Variants in CERS6 observed in about 807,000 individuals in gnomAD.
The protein encoded by CERS6 is ceramide synthase 6.
A neutral mutation model predicts 56.8 loss-of-function variants in CERS6; 26 were observed. That is an observed-to-expected ratio of 0.46 (90% confidence interval 0.34 to 0.63). CERS6 has a LOEUF of 0.63. Among genes scored for constraint, CERS6 ranks in the 30% least tolerant of loss-of-function variants. CERS6 has a pLI of 0.01. For synonymous variants in CERS6, 164 were observed against 173.3 expected (o/e 0.95, Z 0.42); for missense variants, 415 against 467.5 (o/e 0.89, Z 1.04).
chr2:168,749,078 A>G (rs1034048952), intron 8 of CERS6, among the ~76,000 whole-genome samples: 8 of 150,866 alleles, frequency 5.3e-5, no homozygotes, highest in Non-Finnish European at 7.4e-5. Context: ...TCTCTCTCCT[A>G]TATCTTCCAA....
intron 8 of CERS6, among the ~76,000 whole-genome samples, chr2:168,737,096 C>T (rs1683737171): frequency 6.6e-6 from 1 of 152,178 alleles, no homozygotes; most frequent in Non-Finnish European, 1.5e-5. Context: ...TCTACCTTGA[C>T]CTCTTCCTGA....
At chr2:168,760,979 G>T (rs968877893) in intron 8 of CERS6, among the ~76,000 whole-genome samples, 13 of 151,950 alleles carry the variant, frequency 8.6e-5, no homozygotes, top group African/African-American at 2.4e-4. Flanking sequence ...GGATGGTCTC[G>T]ATCTCCTGAC....
chr2:168,636,408 A>G (rs1684861282), intron 4 of CERS6, among the ~76,000 whole-genome samples: 1 of 152,182 alleles, frequency 6.6e-6, no homozygotes, highest in African/African-American at 2.4e-5. Flanking sequence ...GTATAGAATG[A>G]TAAGTTGGAA....
chr2:168,767,773 TAGAC>T (rs1221831843), intron 9 of CERS6, among the ~76,000 whole-genome samples: 1 of 152,154 alleles, frequency 6.6e-6, no homozygotes, highest in Non-Finnish European at 1.5e-5. Flanking sequence ...AGTGGTAACA[TAGAC>T]AGGATGTGAT....
intron 8 of CERS6, among the ~76,000 whole-genome samples, chr2:168,764,874 G>A (rs1035821489): frequency 6.6e-6 from 1 of 152,166 alleles, no homozygotes; most frequent in Non-Finnish European, 1.5e-5. Context: ...TTCCACTTCT[G>A]GGTATATGCC....
At chr2:168,743,234 A>G (rs6715521) in intron 8 of CERS6, among the ~76,000 whole-genome samples, 11,685 of 147,176 alleles carry the variant, frequency 0.079, 614 homozygotes, top group African/African-American at 0.15. Flanking sequence ...GTATATATAT[A>G]TGTGTGTGTG....
chr2:168,762,970 C>G (rs1334080600), intron 8 of CERS6, among the ~76,000 whole-genome samples: 1 of 152,098 alleles, frequency 6.6e-6, no homozygotes, highest in Non-Finnish European at 1.5e-5. Flanking sequence ...GCAACTCCTG[C>G]TCAAGTGATC....
At chr2:168,554,932 T>C (rs57601673) in intron 2 of CERS6, among the ~76,000 whole-genome samples, 103,724 of 151,966 alleles carry the variant, frequency 0.68, 36,848 homozygotes, top group African/African-American at 0.88. Context: ...AGTGTGTCTG[T>C]ATATTCATAA....
At position 168,615,869 on chromosome 2, in the gene CERS6, A is replaced by G. The variant is rs985563931; in HGVS notation, c.408-15116A>G. Among the ~76,000 whole-genome samples, 3 of 152,184 alleles carry G rather than the reference A, an allele frequency of 2.0e-5. 1 individual carries two copies. The highest frequency in any genetic ancestry group is 4.8e-5 in the African/African-American group (2 of 41,452). The stretch of plus-strand genomic sequence containing the variant: ...CATCCAAATACAAGACACACAAAGA[A>G]CATCTGGGAAATTCATCACAAAAAG... On this transcript the variant is annotated intron_variant, in intron 3 of 9. Transcript: ENST00000305747.
At chr2:168,739,200 C>T (rs1391590737) in intron 8 of CERS6, among the ~76,000 whole-genome samples, 1 of 151,764 alleles carries the variant, frequency 6.6e-6, no homozygotes, top group African/African-American at 2.4e-5. Context: ...TGACCCACTG[C>T]ACCCAGGCTA....
At chr2:168,700,222 G>A (rs1347143076) in intron 6 of CERS6, among the ~76,000 whole-genome samples, 1 of 152,196 alleles carries the variant, frequency 6.6e-6, no homozygotes, top group African/African-American at 2.4e-5. Context: ...GAGAATAACT[G>A]GAGCCCATTA....
chr2:168,518,929 C>T (rs80268213), intron 1 of CERS6, among the ~76,000 whole-genome samples: 2,880 of 152,270 alleles, frequency 0.019, 47 homozygotes, highest in Middle Eastern at 0.031. Context: ...CCACCCACCT[C>T]CTTAGCATTT....
intron 6 of CERS6, among the ~76,000 whole-genome samples, chr2:168,705,976 A>G (rs1686930527): frequency 6.6e-6 from 1 of 152,226 alleles, no homozygotes; most frequent in South Asian, 2.1e-4. Flanking sequence ...TGATTGAGCC[A>G]AGGGTAATTT....
At chr2:168,751,859 T>C (rs1025032122) in intron 8 of CERS6, among the ~76,000 whole-genome samples, 4 of 152,186 alleles carry the variant, frequency 2.6e-5, no homozygotes, top group Non-Finnish European at 5.9e-5. Context: ...CATGATCCCT[T>C]GTGTATACCC....
intron 3 of CERS6, chr2:168,606,483 G>C (rs1360432476): frequency 2.0e-5 from 3 of 152,152 alleles, no homozygotes; most frequent in African/African-American, 7.2e-5. Context: ...TATATTTGCT[G>C]CCAAAGTGAG....
chr2:168,561,004 C>T (rs1695776089), intron 2 of CERS6, among the ~76,000 whole-genome samples, 188 bp from the exon 3 acceptor site: 1 of 152,044 alleles, frequency 6.6e-6, no homozygotes, highest in Non-Finnish European at 1.5e-5. Context: ...CTTCTTTTGT[C>T]CTAGTGGTTA....
Position 168,541,480 on chromosome 2 carries a change from C to CT in CERS6, c.171-6105dup, listed in dbSNP as rs1011383399. The stretch of plus-strand genomic sequence containing the variant: ...CTGTTTATTTCTCCATTTTTTCTTT[C>CT]TTTTTTTTTTTCAGATTGCATGGTT... On this transcript the variant is annotated intron_variant, in intron 1 of 9. Transcript: ENST00000305747. Among the ~76,000 whole-genome samples the CT allele has an allele frequency of 6.8e-3, 985 of 145,180 alleles. 6 individuals carry two copies. Among genetic ancestry groups the CT allele is most frequent in the African/African-American group, 0.022 (883 of 39,758 alleles).
intron 3 of CERS6, among the ~76,000 whole-genome samples, chr2:168,601,136 A>ATG (rs1683923459): frequency 6.6e-6 from 1 of 152,230 alleles, no homozygotes; most frequent in African/African-American, 2.4e-5. Flanking sequence ...AATTGGATAG[A>ATG]TGTGCACCAT....
chr2:168,609,513 G>A (rs1348263691), intron 3 of CERS6, among the ~76,000 whole-genome samples: 1 of 151,998 alleles, frequency 6.6e-6, no homozygotes, highest in Non-Finnish European at 1.5e-5. Context: ...TCCTTTTTAG[G>A]TTCAGAACAA....
Sources: allele counts gnomAD v4.1 joint callset (sites outside exome capture counted in the v4.1 genomes callset), GRCh38; gene constraint gnomAD v4.1.1; transcripts MANE v1.5; gene names NCBI Gene and HGNC (gene_info 2026-07-23, HGNC 2026-07-21).